Variants in ATRNL1 observed in about 807,000 individuals in gnomAD.
The protein encoded by ATRNL1 is attractin-like protein 1.
Under a neutral mutation model 182.7 loss-of-function variants are expected in ATRNL1, and 95 were observed. That is an observed-to-expected ratio of 0.52 (90% CI 0.44 to 0.62). ATRNL1 has a LOEUF of 0.62. Among genes scored for constraint, ATRNL1 ranks in the 20% least tolerant of loss-of-function variants. The probability of loss-of-function intolerance (pLI) is 0.00; values close to 1 mark genes in which losing one functional copy is unlikely to be tolerated. For missense variants in ATRNL1, 1,471 were observed against 1,679.5 expected, an observed-to-expected ratio of 0.88 and a Z score of 2.17; for synonymous variants, 576 against 568.3, an observed-to-expected ratio of 1.01 and a Z score of -0.19.
intron 5 of ATRNL1, among the ~76,000 whole-genome samples, chr10:115,133,348 T>C (rs1845348906): frequency 6.6e-6 from 1 of 152,080 alleles, no homozygotes; most frequent in Non-Finnish European, 1.5e-5. Flanking sequence ...TGTAATATAG[T>C]TTGAAGTCGG....
chr10:115,278,771 G>T (rs1852215872), intron 13 of ATRNL1, among the ~76,000 whole-genome samples: 1 of 152,130 alleles, frequency 6.6e-6, no homozygotes, highest in African/African-American at 2.4e-5. Flanking sequence ...TAATGGACTT[G>T]TTTTGTCTGA....
chr10:115,491,544 T>C (rs1849301562), intron 24 of ATRNL1, among the ~76,000 whole-genome samples: 1 of 152,126 alleles, frequency 6.6e-6, no homozygotes, highest in Non-Finnish European at 1.5e-5. Context: ...TTGTTTACAC[T>C]GTGAGGGCAA....
At chr10:115,369,341 G>T in intron 19 of ATRNL1, among the ~76,000 whole-genome samples, 1 of 151,630 alleles carries the variant, frequency 6.6e-6, no homozygotes, top group African/African-American at 2.4e-5. Context: ...TGGGGGTTCT[G>T]TGAAGGGGAT....
intron 27 of ATRNL1, among the ~76,000 whole-genome samples, chr10:115,828,444 A>G (rs782304222): frequency 6.6e-6 from 1 of 151,574 alleles, no homozygotes; most frequent in African/African-American, 2.4e-5. Flanking sequence ...TCAAGGAAAT[A>G]AAGCAGAGAT....
intron 28 of ATRNL1, among the ~76,000 whole-genome samples, chr10:115,939,890 A>G (rs1426805599): frequency 1.3e-5 from 2 of 152,216 alleles, no homozygotes; most frequent in African/African-American, 4.8e-5. Context: ...GTGTGTGCCA[A>G]AAATGGCAAC....
intron 8 of ATRNL1, among the ~76,000 whole-genome samples, chr10:115,180,225 A>G (rs1847697794): frequency 6.6e-6 from 1 of 152,018 alleles, no homozygotes. Flanking sequence ...TGAAATCCAG[A>G]AATTCTTATT....
intron 22 of ATRNL1, among the ~76,000 whole-genome samples, chr10:115,462,401 C>A (rs965009358): frequency 6.6e-6 from 1 of 151,954 alleles, no homozygotes; most frequent in Non-Finnish European, 1.5e-5. Flanking sequence ...ATCATGATGC[C>A]CAGAGATCGA....
intron 24 of ATRNL1, among the ~76,000 whole-genome samples, chr10:115,490,527 T>C (rs1251618658): frequency 6.6e-6 from 1 of 152,208 alleles, no homozygotes; most frequent in Admixed American, 6.5e-5. Flanking sequence ...TATTGATAGA[T>C]GTGTATGCCT....
intron 19 of ATRNL1, among the ~76,000 whole-genome samples, chr10:115,385,651 AT>A (rs1554952416): frequency 7.2e-6 from 1 of 139,374 alleles, no homozygotes; most frequent in African/African-American, 2.5e-5. Flanking sequence ...GGATGCAAAT[AT>A]TTTTTCTCTG....
chr10:115,442,556 A>G (rs576744565), intron 21 of ATRNL1, among the ~76,000 whole-genome samples: 1 of 151,896 alleles, frequency 6.6e-6, no homozygotes, highest in Non-Finnish European at 1.5e-5. Context: ...TTCCTACTAA[A>G]CTCTGCCACT....
intron 15 of ATRNL1, among the ~76,000 whole-genome samples, chr10:115,293,334 G>A (rs1240197636): frequency 2.0e-5 from 3 of 151,972 alleles, no homozygotes; most frequent in Non-Finnish European, 4.4e-5. Flanking sequence ...TTAAGTAAGG[G>A]AATTCATTTA....
At chr10:115,882,364 A>G (rs1157900463) in intron 28 of ATRNL1, among the ~76,000 whole-genome samples, 23 of 152,198 alleles carry the variant, frequency 1.5e-4, no homozygotes, top group African/African-American at 5.1e-4. Context: ...CGAACTGCCT[A>G]AATAAGTGGC....
intron 24 of ATRNL1, among the ~76,000 whole-genome samples, chr10:115,471,572 G>C (rs1470399929): frequency 6.6e-5 from 10 of 150,964 alleles, no homozygotes; most frequent in African/African-American, 2.4e-4. Context: ...TTGTGGTTTT[G>C]ATTTGCATTT....
chr10:115,374,438 C>T (rs1857555179), intron 19 of ATRNL1, among the ~76,000 whole-genome samples: 1 of 144,172 alleles, frequency 6.9e-6, no homozygotes, highest in African/African-American at 2.7e-5. Flanking sequence ...TCTCCTTCTC[C>T]TTCTCCTTCC....
chr10:115,822,481 T>A (rs1950326139), intron 27 of ATRNL1, among the ~76,000 whole-genome samples: 1 of 152,062 alleles, frequency 6.6e-6, no homozygotes. Context: ...AAAAAATCAG[T>A]GAATCCAGGA....
At chr10:115,384,342 C>A (rs1423133601) in intron 19 of ATRNL1, among the ~76,000 whole-genome samples, 1 of 151,842 alleles carries the variant, frequency 6.6e-6, no homozygotes, top group Admixed American at 6.6e-5. Flanking sequence ...TTTTTTTTCA[C>A]CCCAAAAGTT....
intron 21 of ATRNL1, among the ~76,000 whole-genome samples, chr10:115,446,842 A>G (rs1227281209): frequency 2.0e-5 from 3 of 151,904 alleles, no homozygotes; most frequent in African/African-American, 7.2e-5. Flanking sequence ...TGGGAAATTA[A>G]TTGTGGATCT....
rs1339510488 is a variant in ATRNL1 at position 115,246,849 on chromosome 10, C to T, written c.1687+5124C>T. 1.7e-4 allele frequency among the ~76,000 whole-genome samples: 11 copies of T among 65,012 alleles called. 4 individuals carry two copies. The highest frequency in any genetic ancestry group is 3.1e-4 in the African/African-American group (4 of 12,874). 42.7% of individuals were successfully genotyped at this position (65,012 alleles called of 152,430 possible). On this transcript the variant is annotated intron_variant, in intron 10 of 28. Transcript: ENST00000355044. ...TGCTGGGATTACAGGCGTGAGCCACCGCGCCCGGCCATCTCTCTCATTCTT... is the reference window on the plus strand; with the variant it reads ...TGCTGGGATTACAGGCGTGAGCCACTGCGCCCGGCCATCTCTCTCATTCTT...
At chr10:115,757,725 G>C (rs967526849) in intron 27 of ATRNL1, among the ~76,000 whole-genome samples, 4 of 152,100 alleles carry the variant, frequency 2.6e-5, no homozygotes, top group African/African-American at 9.7e-5. Flanking sequence ...GGTTGGGGAA[G>C]GTCTCTTGGA....
Sources: allele counts gnomAD v4.1 joint callset (sites outside exome capture counted in the v4.1 genomes callset), GRCh38; gene constraint gnomAD v4.1.1; transcripts MANE v1.5; gene names NCBI Gene and HGNC (gene_info 2026-07-23, HGNC 2026-07-21).